Variants in GANC observed in about 807,000 individuals in gnomAD.
GANC encodes glucosidase alpha, neutral C, also known as neutral alpha-glucosidase C.
In GANC, 117 loss-of-function variants were observed where a neutral mutation model predicts 124.2. That is an observed-to-expected ratio of 0.94 (90% confidence interval 0.81 to 1.10). GANC has a LOEUF of 1.10. Ranked by LOEUF, GANC falls within the 50% of genes least tolerant of loss-of-function variation. GANC has a pLI of 0.00. For synonymous variants in GANC, 377 were observed against 376.8 expected (o/e 1.00, Z -0.01); for missense variants, 1,140 against 1,095.0 (o/e 1.04, Z -0.58).
In GANC at chr15:42,352,972, CAAAGT is replaced by C. The variant is rs1276773425; in HGVS notation, c.*836_*840del. 1.6e-6 allele frequency: 1 copy of C among 619,338 alleles called. No individual in the cohort carries two copies. Among genetic ancestry groups the C allele is most frequent in the Non-Finnish European group, 2.0e-6 (1 of 495,852 alleles). 38.4% of individuals were successfully genotyped at this position (619,338 alleles called of 1,614,324 possible). A position where few individuals can be genotyped will look rare whatever the true frequency, so the allele number is the denominator to read the frequency against. ...AGGGATGCCAAAAAAATACAGTAAT[CAAAGT>C]AAGTAATATTTCAATCCAATATTTT... On this transcript the variant is annotated 3_prime_UTR_variant, in exon 24 of 24. Transcript: ENST00000318010.
At position 42,292,540 on chromosome 15, in the gene GANC, G is replaced by T. The variant is rs148839625; in HGVS notation, c.330-195G>T. 2.1e-3 allele frequency among the ~76,000 whole-genome samples: 318 copies of T among 152,268 alleles called. 3 individuals carry two copies. The highest frequency in any genetic ancestry group is 7.5e-3 in the African/African-American group (312 of 41,564). On this transcript the variant is annotated intron_variant, in intron 4 of 23. Transcript: ENST00000318010. ...TAACTTTGTTATCCGAAGTTATAAC[G>T]TATATGATAGAGTTATGCTCAATTT... is the stretch of plus-strand genomic sequence containing the variant.
chr15:42,287,747 T>G lies in GANC; in HGVS notation c.258T>G (p.Ile86Met), dbSNP rs1299581097. 1 of 1,613,242 alleles carries G rather than the reference T, an allele frequency of 6.2e-7. No individual in the cohort carries two copies. The change falls in exon 4 of 24, where the codon ATT becomes ATG. Residue 86 changes from isoleucine (I) to methionine (M), a missense_variant. Physicochemically the swap from Ile to Met is conservative, Grantham distance 10. Coordinates refer to ENST00000318010, the MANE Select transcript of GANC (RefSeq NM_198141.3). ...AAGGAAACATTTTCAGGCTTAAAAT[T>G]AATGAAGAGACTCCTCTAAAACCCA... ...GIEGNIFRLKINEETPLKPRF... is the reference protein window; with the variant it reads ...GIEGNIFRLKMNEETPLKPRF...
At chr15:42,342,930 A>C (rs1595785054) in intron 18 of GANC, 148 bp from the exon 19 acceptor site, 1 of 636,158 alleles carries the variant, frequency 1.6e-6, no homozygotes. Flanking sequence ...CTCTCTAACA[A>C]ATCATTGGTT....
chr15:42,347,232 G>C (rs1228247484), intron 20 of GANC, among the ~76,000 whole-genome samples: 2 of 151,970 alleles, frequency 1.3e-5, no homozygotes, highest in Admixed American at 1.3e-4. Flanking sequence ...CATGTGTGGG[G>C]AGATGGAAGT....
chr15:42,310,532 CTCTTA>C (rs764956020), intron 9 of GANC, 69 bp downstream of exon 9: 38 of 1,487,070 alleles, frequency 2.6e-5, no homozygotes, highest in Non-Finnish European at 3.3e-5. Context: ...GGAGTTATAG[CTCTTA>C]TCTTTGTATT....
intron 10 of GANC, among the ~76,000 whole-genome samples, chr15:42,319,405 C>T (rs972731728): frequency 2.9e-4 from 44 of 151,956 alleles, no homozygotes; most frequent in African/African-American, 8.2e-4. Context: ...AGTGCAGTGG[C>T]GTGACCATGG....
chr15:42,352,003 T>G, intron 23 of GANC, 27 bp from the exon 24 acceptor site: 10 of 1,612,904 alleles, frequency 6.2e-6, no homozygotes, highest in Non-Finnish European at 8.5e-6. Context: ...CATCAAAATT[T>G]CCCTCTTTTA....
chr15:42,351,973 A>G (rs1303337187), intron 23 of GANC, 57 bp from the exon 24 acceptor site: 1 of 1,601,252 alleles, frequency 6.2e-7, no homozygotes, highest in African/African-American at 1.3e-5. Context: ...TGGAGAAAAG[A>G]CTTTTCCCTT....
rs1595783299 is a variant in GANC at position 42,338,464 on chromosome 15, G to C, written c.1817G>C (p.Ser606Thr). Residue 606 changes from serine (S) to threonine (T), a missense_variant, in exon 16 of 24, where the codon AGC becomes ACC. Physicochemically the swap from Ser to Thr is moderately conservative, Grantham distance 58. Coordinates refer to ENST00000318010, the MANE Select transcript of GANC (RefSeq NM_198141.3). ...TCTATCCCAATGTTACTCACTCTCA[G>C]CATTACTGGGATCTCTTTTTGCGGA... ...KISIPMLLTL[S>T]ITGISFCGAD... 1 of 1,613,778 alleles carries C rather than the reference G, an allele frequency of 6.2e-7. No individual in the cohort carries two copies. The highest frequency in any genetic ancestry group is 8.5e-7 in the Non-Finnish European group (1 of 1,179,710).
chr15:42,351,739 T>C (rs969182781), intron 23 of GANC, among the ~76,000 whole-genome samples: 2 of 152,202 alleles, frequency 1.3e-5, no homozygotes, highest in Admixed American at 1.3e-4. Flanking sequence ...ACCCATGTGT[T>C]TGGAGTTTAT....
At chr15:42,282,561 A>G (rs1283446957) in intron 3 of GANC, among the ~76,000 whole-genome samples, 2 of 152,204 alleles carry the variant, frequency 1.3e-5, no homozygotes, top group Non-Finnish European at 1.5e-5. Flanking sequence ...TACACTGATC[A>G]GGCAGATTCT....
At chr15:42,304,824 A>G (rs2051977849) in intron 6 of GANC, among the ~76,000 whole-genome samples, 1 of 152,136 alleles carries the variant, frequency 6.6e-6, no homozygotes, top group Non-Finnish European at 1.5e-5. Flanking sequence ...ATCTACAACC[A>G]CCTGATCTTT....
At chr15:42,307,158 C>T (rs752667477) in intron 7 of GANC, among the ~76,000 whole-genome samples, 2 of 151,990 alleles carry the variant, frequency 1.3e-5, no homozygotes, top group Non-Finnish European at 2.9e-5. Flanking sequence ...ACTCACTTTC[C>T]TCTTTCCTCC....
At chr15:42,296,772 A>C (rs1404574679) in intron 5 of GANC, among the ~76,000 whole-genome samples, 1 of 152,142 alleles carries the variant, frequency 6.6e-6, no homozygotes, top group Non-Finnish European at 1.5e-5. Flanking sequence ...TTTTCTAAAA[A>C]AACTTTTATG....
At chr15:42,331,937 G>A (rs1239370936) in intron 15 of GANC, among the ~76,000 whole-genome samples, 1 of 152,028 alleles carries the variant, frequency 6.6e-6, no homozygotes, top group Non-Finnish European at 1.5e-5. Flanking sequence ...GTATTGATAT[G>A]TATTAGATGT....
chr15:42,279,121 A>G (rs1049432352), intron 3 of GANC, among the ~76,000 whole-genome samples: 30 of 152,258 alleles, frequency 2.0e-4, no homozygotes, highest in Admixed American at 1.8e-3. Flanking sequence ...TAAATGTCTT[A>G]CAAATATTAT....
chr15:42,336,381 G>A (rs1230639206), intron 15 of GANC, among the ~76,000 whole-genome samples: 3 of 152,164 alleles, frequency 2.0e-5, no homozygotes, highest in South Asian at 2.1e-4. Flanking sequence ...AAGCAATGGG[G>A]AAAGGACTCC....
At chr15:42,306,256 C>G (rs770365005) in intron 6 of GANC, among the ~76,000 whole-genome samples, 2 of 152,000 alleles carry the variant, frequency 1.3e-5, no homozygotes, top group Non-Finnish European at 2.9e-5. Context: ...AGCCACTGAA[C>G]CTGAACTTTA....
At chr15:42,328,985 A>G (rs1233235899) in intron 13 of GANC, among the ~76,000 whole-genome samples, 4 of 152,194 alleles carry the variant, frequency 2.6e-5, no homozygotes, top group Admixed American at 2.6e-4. Flanking sequence ...AACCTTTCCC[A>G]TAGGAGTCCT....
Sources: allele counts gnomAD v4.1 joint callset (sites outside exome capture counted in the v4.1 genomes callset), GRCh38; gene constraint gnomAD v4.1.1; transcripts MANE v1.5; gene names NCBI Gene and HGNC (gene_info 2026-07-23, HGNC 2026-07-21).